ADAMTS19: variants seen among roughly 807,000 people sequenced by gnomAD.
The protein encoded by ADAMTS19 is A disintegrin and metalloproteinase with thrombospondin motifs 19.
A neutral mutation model predicts 153.3 loss-of-function variants in ADAMTS19; 93 were observed. The observed-to-expected ratio is 0.61, with a 90% CI of 0.51 to 0.72. The LOEUF is 0.72. Among genes scored for constraint, ADAMTS19 ranks in the 30% least tolerant of loss-of-function variants. ADAMTS19 has a pLI of 0.00. For missense variants in ADAMTS19, 1,482 were observed against 1,552.1 expected (o/e 0.95, Z 0.76); for synonymous variants, 600 against 556.6 (o/e 1.08, Z -1.10).
intron 2 of ADAMTS19, among the ~76,000 whole-genome samples, chr5:129,493,863 C>G (rs188267438): frequency 4.0e-4 from 61 of 152,156 alleles, no homozygotes; most frequent in Non-Finnish European, 8.2e-4. Context: ...GATGGATGAA[C>G]TCATTCTTTA....
intron 4 of ADAMTS19, 45 bp from the exon 5 acceptor site, chr5:129,527,703 G>T: frequency 8.8e-7 from 1 of 1,136,630 alleles, no homozygotes; most frequent in Middle Eastern, 3.0e-4. Flanking sequence ...AAATTAAGAT[G>T]ATTTTCAGTT....
chr5:129,581,730 G>C (rs970637623), intron 7 of ADAMTS19, among the ~76,000 whole-genome samples: 2 of 152,156 alleles, frequency 1.3e-5, no homozygotes, highest in Admixed American at 1.3e-4. Flanking sequence ...ACTTTCTGCT[G>C]TGGACATTTA....
chr5:129,686,102 A>G (rs1755075393), intron 18 of ADAMTS19, among the ~76,000 whole-genome samples: 1 of 152,216 alleles, frequency 6.6e-6, no homozygotes, highest in Admixed American at 6.5e-5. Context: ...TAGTCTGTTT[A>G]AAGTCAATGG....
intron 2 of ADAMTS19, among the ~76,000 whole-genome samples, chr5:129,501,086 A>T (rs1751086846): frequency 1.3e-5 from 2 of 152,198 alleles, no homozygotes; most frequent in Non-Finnish European, 2.9e-5. Flanking sequence ...TTCATATGTA[A>T]TTATCCTGTA....
chr5:129,672,266 A>C (rs1754334893), intron 16 of ADAMTS19, among the ~76,000 whole-genome samples: 1 of 152,066 alleles, frequency 6.6e-6, no homozygotes, highest in Admixed American at 6.6e-5. Flanking sequence ...CGAAGACTCC[A>C]CCTCCTAATA....
chr5:129,578,072 A>G (rs1247729055), intron 7 of ADAMTS19, among the ~76,000 whole-genome samples: 3 of 139,054 alleles, frequency 2.2e-5, no homozygotes, highest in African/African-American at 7.6e-5. Flanking sequence ...ACACACACAC[A>G]CACACACATA....
intron 2 of ADAMTS19, among the ~76,000 whole-genome samples, chr5:129,471,647 C>T (rs1024238075): frequency 6.6e-6 from 1 of 152,046 alleles, no homozygotes; most frequent in Non-Finnish European, 1.5e-5. Context: ...ATTATTTCAT[C>T]ACCCAGATAT....
At chr5:129,556,190 A>G (rs939260782) in intron 7 of ADAMTS19, among the ~76,000 whole-genome samples, 1 of 152,168 alleles carries the variant, frequency 6.6e-6, no homozygotes, top group Non-Finnish European at 1.5e-5. Context: ...TATGTAGATC[A>G]TGGAAGAAAA....
chr5:129,621,341 G>A (rs566192066), intron 9 of ADAMTS19, among the ~76,000 whole-genome samples: 1 of 152,196 alleles, frequency 6.6e-6, no homozygotes, highest in Non-Finnish European at 1.5e-5. Flanking sequence ...AATTATAGAA[G>A]GATCACCTGA....
chr5:129,622,334 T>C lies in ADAMTS19; in HGVS notation c.1756T>C (p.Cys586Arg). The C allele has an allele frequency of 6.2e-7, 1 of 1,614,066 alleles. No homozygotes were observed. The highest frequency in any genetic ancestry group is 8.5e-7 in the Non-Finnish European group (1 of 1,179,974). Reference protein sequence around the residue: ...QILFGPLASFCQEMQHVICTG... With the variant: ...QILFGPLASFRQEMQHVICTG... ...CCTTTTTGGGCCATTGGCTTCTTTT[T>C]GTCAGGAGATGCAGGTAAAGATCCA... is the stretch of plus-strand genomic sequence containing the variant. Residue 586 changes from cysteine to arginine, a missense_variant, in exon 10 of 23, where the codon TGT (cysteine) becomes CGT (arginine). Cys to Arg is a radical substitution (Grantham distance 180). Around this residue, in one of 2 missense-constraint regions of ADAMTS19, gnomAD observed 866 missense variants for 827.7 expected, o/e 1.05. Coordinates refer to ENST00000274487, the MANE Select transcript of ADAMTS19 (RefSeq NM_133638.6).
chr5:129,715,479 C>T (rs953250443), intron 21 of ADAMTS19, among the ~76,000 whole-genome samples: 1 of 152,182 alleles, frequency 6.6e-6, no homozygotes, highest in African/African-American at 2.4e-5. Flanking sequence ...AATAGTGTCA[C>T]ATACACAGTA....
chr5:129,578,552 C>A (rs541604539), intron 7 of ADAMTS19, among the ~76,000 whole-genome samples: 1 of 151,800 alleles, frequency 6.6e-6, no homozygotes, highest in South Asian at 2.1e-4. Flanking sequence ...CCCATTAACC[C>A]GTCATCTATG....
At chr5:129,494,399 T>C (rs1750862396) in intron 2 of ADAMTS19, among the ~76,000 whole-genome samples, 1 of 152,126 alleles carries the variant, frequency 6.6e-6, no homozygotes, top group South Asian at 2.1e-4. Context: ...TTTTAGATTG[T>C]TTTATTGATT....
chr5:129,708,753 G>T (rs949072568), intron 21 of ADAMTS19, among the ~76,000 whole-genome samples: 1 of 151,952 alleles, frequency 6.6e-6, no homozygotes, highest in Non-Finnish European at 1.5e-5. Flanking sequence ...CCTTAAAATT[G>T]CACATAATTG....
At position 129,461,119 on chromosome 5, in the gene ADAMTS19, G is replaced by C; in HGVS notation, c.109G>C (p.Asp37His). The change falls in exon 2 of 23, where the codon GAC becomes CAC. Residue 37 changes from aspartate (D) to histidine (H), a missense_variant. Physicochemically the swap from Asp to His is moderately conservative, Grantham distance 81. This residue lies in a region of ADAMTS19 where 866 missense variants were observed against 827.7 expected (regional missense o/e 1.05). Coordinates refer to ENST00000274487, the MANE Select transcript of ADAMTS19 (RefSeq NM_133638.6). This position sits in a 1 kb window ranked among gnomAD's most constrained non-coding sequence, Gnocchi z 4.6. ...GIVSELQFAP[D>H]REEWEVVFPA... The stretch of plus-strand genomic sequence containing the variant: ...GCCCGCAGAGCTGCAGTTCGCCCCC[G>C]ACCGCGAGGAGTGGGAAGTCGTGTT... The C allele has an allele frequency of 7.0e-7, 1 of 1,419,386 alleles. No homozygotes were observed. Among genetic ancestry groups the C allele is most frequent in the Non-Finnish European group, 9.2e-7 (1 of 1,085,096 alleles). 87.9% of individuals were successfully genotyped at this position (1,419,386 alleles called of 1,614,324 possible).
chr5:129,560,255 C>G (rs2126840133), intron 7 of ADAMTS19, among the ~76,000 whole-genome samples: 1 of 152,276 alleles, frequency 6.6e-6, no homozygotes, highest in South Asian at 2.1e-4. Context: ...AAAACAAAAA[C>G]AGAGTCTAGG....
chr5:129,514,902 T>C (rs1281615843), intron 3 of ADAMTS19, among the ~76,000 whole-genome samples: 1 of 152,098 alleles, frequency 6.6e-6, no homozygotes, highest in African/African-American at 2.4e-5. Context: ...AGTTTTCTTG[T>C]AATAGTTTCA....
chr5:129,596,101 G>T (rs1581126279), intron 7 of ADAMTS19, among the ~76,000 whole-genome samples: 1 of 151,884 alleles, frequency 6.6e-6, no homozygotes, highest in East Asian at 1.9e-4. Context: ...TTTCACAATT[G>T]TATTAATTCA....
At chr5:129,483,070 T>G (rs1750469208) in intron 2 of ADAMTS19, among the ~76,000 whole-genome samples, 1 of 152,204 alleles carries the variant, frequency 6.6e-6, no homozygotes, top group Non-Finnish European at 1.5e-5. Context: ...ATACTAATCT[T>G]TTATTAGCTG....
Sources: gnomAD v4.1 joint callset for allele counts (sites outside exome capture counted in the v4.1 genomes callset) on GRCh38, gnomAD v4.1.1 for gene constraint, gnomAD v4.1.1 regional missense constraint, Gnocchi (gnomAD v3.1) non-coding constraint, MANE v1.5 for transcripts, NCBI Gene and HGNC (gene_info 2026-07-23, HGNC 2026-07-21) for gene names.